The following CRPPA variants were observed in gnomAD, a reference collection of about 807,000 sequenced individuals.
CRPPA encodes D-ribitol-5-phosphate cytidylyltransferase.
Under a neutral mutation model 52.0 loss-of-function variants are expected in CRPPA, and 43 were observed. The observed-to-expected ratio is 0.83, with a 90% confidence interval of 0.65 to 1.07. The LOEUF is 1.07. Ranked by LOEUF, CRPPA falls within the 50% of genes least tolerant of loss-of-function variation. The pLI, the probability that CRPPA is intolerant of heterozygous loss-of-function variation, is 0.00. For missense variants in CRPPA, 629 were observed against 551.7 expected (o/e 1.14, Z -1.40); for synonymous variants, 250 against 203.5 (o/e 1.23, Z -1.94).
chr7:16,282,233 A>G (rs1784334963), intron 5 of CRPPA, among the ~76,000 whole-genome samples: 1 of 152,108 alleles, frequency 6.6e-6, no homozygotes, highest in Admixed American at 6.6e-5. Flanking sequence ...TTTTCACTCA[A>G]TTTAAATGAC....
At chr7:16,416,639 A>AGCCT (rs1249239718) in intron 1 of CRPPA, among the ~76,000 whole-genome samples, 4 of 152,050 alleles carry the variant, frequency 2.6e-5, no homozygotes, top group Non-Finnish European at 4.4e-5. Flanking sequence ...GCTCAAGACC[A>AGCCT]GCCTGCCCAA....
chr7:16,125,139 A>C (rs1024924732), intron 9 of CRPPA, among the ~76,000 whole-genome samples: 6 of 151,594 alleles, frequency 4.0e-5, no homozygotes, highest in African/African-American at 1.5e-4. Context: ...GCACGCCTGC[A>C]ATCCCAGCTA....
At position 16,089,033 on chromosome 7, in the gene CRPPA, T is replaced by A. The variant is rs1283581525; in HGVS notation, c.*2662A>T. On this transcript the variant is annotated 3_prime_UTR_variant, in exon 10 of 10. Coordinates refer to ENST00000407010, the MANE Select transcript of CRPPA (RefSeq NM_001101426.4). Reference sequence around the variant, plus strand: ...AGTCTTCCTTATTTTAAGCCCAAACTTTTGTTACTATTCAGTCACATGATT... The same window carrying A: ...AGTCTTCCTTATTTTAAGCCCAAACATTTGTTACTATTCAGTCACATGATT... 4.4e-6 allele frequency: 1 copy of A among 224,866 alleles called. No individual in the cohort carries two copies. Among genetic ancestry groups the A allele is most frequent in the Non-Finnish European group, 9.8e-6 (1 of 102,184 alleles). 13.9% of individuals were successfully genotyped at this position (224,866 alleles called of 1,614,324 possible).
chr7:16,326,139 T>G (rs958367554), intron 3 of CRPPA, among the ~76,000 whole-genome samples: 1 of 151,778 alleles, frequency 6.6e-6, no homozygotes, highest in African/African-American at 2.4e-5. Flanking sequence ...CCAAGTCCTC[T>G]GAAAGAGCTA....
At chr7:16,243,353 T>A (rs937615171) in intron 8 of CRPPA, among the ~76,000 whole-genome samples, 1 of 152,200 alleles carries the variant, frequency 6.6e-6, no homozygotes, top group Non-Finnish European at 1.5e-5. Context: ...AGTATCTTTA[T>A]AGCAGTGTGA....
intron 2 of CRPPA, among the ~76,000 whole-genome samples, chr7:16,386,478 A>T (rs1169577346): frequency 6.6e-6 from 1 of 152,096 alleles, no homozygotes; most frequent in Non-Finnish European, 1.5e-5. Flanking sequence ...TTGCCAGTGA[A>T]CTGTCTTCTT....
rs550985188 is a variant in CRPPA at position 16,141,580 on chromosome 7, T to G, written c.1252-49781A>C. 5.9e-5 allele frequency among the ~76,000 whole-genome samples: 9 copies of G among 152,310 alleles called. No homozygotes were observed. The South Asian group carries it at 1.0e-3, about 18-fold the overall frequency. The stretch of plus-strand genomic sequence containing the variant: ...GCATATCAAGAAGGCATCATATTAT[T>G]CTATCATTCGCTGTAATTCTTATCC... On this transcript the variant is annotated intron_variant, in intron 9 of 9. Transcript: ENST00000407010.
rs1257509830 is a variant in CRPPA, at chr7:16,091,468, T to C, written c.*227A>G. The C allele has an allele frequency of 2.6e-6, 1 of 388,762 alleles. No homozygotes were observed. Among genetic ancestry groups the C allele is most frequent in the Non-Finnish European group, 4.5e-6 (1 of 221,736 alleles). The allele number at this position is 388,762 out of a possible 1,614,324, so 24.1% of individuals were successfully genotyped here. A position where few individuals can be genotyped will look rare whatever the true frequency, so the allele number is the denominator to read the frequency against. On this transcript the variant is annotated 3_prime_UTR_variant, in exon 10 of 10. Coordinates refer to ENST00000407010, the MANE Select transcript of CRPPA (RefSeq NM_001101426.4). Reference sequence around the variant, plus strand: ...AGGCTATTATTTTCCACTTATCTACTATTTTTTTCTGGTTCAGGCAATTAA... The same window carrying C: ...AGGCTATTATTTTCCACTTATCTACCATTTTTTTCTGGTTCAGGCAATTAA...
intron 2 of CRPPA, among the ~76,000 whole-genome samples, chr7:16,401,549 C>T (rs993864643): frequency 3.3e-5 from 5 of 152,262 alleles, no homozygotes; most frequent in Admixed American, 3.3e-4. Flanking sequence ...CCTTCTTCCA[C>T]CAGGAGCAAT....
At chr7:16,210,867 G>A (rs1236299212) in intron 9 of CRPPA, among the ~76,000 whole-genome samples, 1 of 151,398 alleles carries the variant, frequency 6.6e-6, no homozygotes, top group African/African-American at 2.4e-5. Flanking sequence ...GGAAAGATCT[G>A]GGTGCAAACA....
At chr7:16,199,235 T>C (rs1379645348) in intron 9 of CRPPA, among the ~76,000 whole-genome samples, 1 of 152,080 alleles carries the variant, frequency 6.6e-6, no homozygotes, top group East Asian at 1.9e-4. Context: ...TACCCCTTCA[T>C]GCTCCCTTAA....
intron 8 of CRPPA, among the ~76,000 whole-genome samples, chr7:16,251,963 A>C (rs1402943851): frequency 6.6e-6 from 1 of 152,150 alleles, no homozygotes; most frequent in Non-Finnish European, 1.5e-5. Flanking sequence ...AAAGATTGAG[A>C]AAATAGACAG....
At chr7:16,349,279 T>G (rs7810150) in intron 3 of CRPPA, among the ~76,000 whole-genome samples, 77,699 of 151,972 alleles carry the variant, frequency 0.51, 20,150 homozygotes, top group South Asian at 0.67. Context: ...AACATGAGAC[T>G]GAGAGGTACC....
At chr7:16,267,577 G>A (rs894844186) in intron 6 of CRPPA, among the ~76,000 whole-genome samples, 3 of 152,150 alleles carry the variant, frequency 2.0e-5, no homozygotes, top group Admixed American at 6.5e-5. Flanking sequence ...CAACCTTACT[G>A]AGCCAAAGCC....
At chr7:16,302,475 A>T (rs971833268) in intron 4 of CRPPA, among the ~76,000 whole-genome samples, 1 of 152,140 alleles carries the variant, frequency 6.6e-6, no homozygotes, top group Admixed American at 6.6e-5. Flanking sequence ...ATTCTATATC[A>T]CAGAGCTGAA....
intron 9 of CRPPA, among the ~76,000 whole-genome samples, chr7:16,096,599 A>T (rs189403274): frequency 2.6e-5 from 4 of 152,152 alleles, no homozygotes; most frequent in Non-Finnish European, 5.9e-5. Context: ...TCACTTCATA[A>T]CAGTGTCAAT....
At chr7:16,392,099 T>C (rs1160247900) in intron 2 of CRPPA, among the ~76,000 whole-genome samples, 1 of 152,202 alleles carries the variant, frequency 6.6e-6, no homozygotes, top group Non-Finnish European at 1.5e-5. Context: ...TCTGCTTAAT[T>C]AATATTCTTT....
intron 8 of CRPPA, among the ~76,000 whole-genome samples, chr7:16,254,837 G>T (rs1160116753): frequency 6.7e-6 from 1 of 148,228 alleles, no homozygotes; most frequent in Non-Finnish European, 1.5e-5. Flanking sequence ...AAGAAAGAAA[G>T]AAAGAAAGAG....
intron 6 of CRPPA, among the ~76,000 whole-genome samples, chr7:16,273,461 A>G (rs1446533197): frequency 6.6e-6 from 1 of 152,046 alleles, no homozygotes; most frequent in Non-Finnish European, 1.5e-5. Context: ...GTGGGACTTC[A>G]GAAGGACGGC....
Sources: gnomAD v4.1 joint callset for allele counts (sites outside exome capture counted in the v4.1 genomes callset) on GRCh38, gnomAD v4.1.1 for gene constraint, MANE v1.5 for transcripts, NCBI Gene and HGNC (gene_info 2026-07-23, HGNC 2026-07-21) for gene names.